ADGRG5: variants seen among roughly 807,000 people sequenced by gnomAD.
ADGRG5 encodes the protein G protein-coupled receptor 114.
In ADGRG5, 37 loss-of-function variants were observed where a neutral mutation model predicts 53.2. The observed-to-expected ratio is 0.70, with a 90% CI of 0.53 to 0.91. The LOEUF (loss-of-function observed/expected upper bound fraction) is 0.91, where lower values mean the gene tolerates loss of function less well. Among genes scored for constraint, ADGRG5 ranks in the 40% least tolerant of loss-of-function variants. The pLI is 0.00. For synonymous variants in ADGRG5, 277 were observed against 290.4 expected (o/e 0.95, Z 0.47); for missense variants, 614 against 675.8 (o/e 0.91, Z 1.01).
chr16:57,540,733 A>G (rs965609906), upstream of ADGRG5, among the ~76,000 whole-genome samples: 10 of 152,150 alleles, frequency 6.6e-5, no homozygotes, highest in African/African-American at 1.4e-4. Context: ...CTGGGTGGCA[A>G]TGGAAGTTGG....
chr16:57,569,901 C>A (rs1312220911), intron 9 of ADGRG5, among the ~76,000 whole-genome samples: 1 of 151,970 alleles, frequency 6.6e-6, no homozygotes, highest in African/African-American at 2.4e-5. Flanking sequence ...TCTCCTCCAC[C>A]TGCACTATCA....
At chr16:57,533,362 C>G in the ADGRG5 span, among the ~76,000 whole-genome samples, 2 of 151,988 alleles carry the variant, frequency 1.3e-5, no homozygotes, top group Non-Finnish European at 2.9e-5. Flanking sequence ...TCCTGCACTC[C>G]CACATAGACC....
intron 1 of ADGRG5, among the ~76,000 whole-genome samples, chr16:57,559,711 T>A (rs1373647148): frequency 4.6e-5 from 7 of 152,078 alleles, no homozygotes; most frequent in East Asian, 3.9e-4. Flanking sequence ...ACCAGTTTGC[T>A]TGGTGGCCTG....
At position 57,566,471 on chromosome 16, in the gene ADGRG5, A is replaced by C. The variant is rs1187273427; in HGVS notation, c.547-128A>C. 2.8e-5 allele frequency: 23 copies of C among 824,220 alleles called. No individual in the cohort carries two copies. In the Admixed American group the frequency reaches 7.0e-4, roughly 25 times the overall value. The allele number at this position is 824,220 out of a possible 1,614,324, so 51.1% of individuals were successfully genotyped here. ...GGAATCTGAGACTGTCTGAAGCCAA[A>C]GGCCAGCCAGTGCCTGGTAAAATGT... On this transcript the variant is annotated intron_variant, in intron 6 of 11. Coordinates refer to ENST00000349457, the MANE Select transcript of ADGRG5 (RefSeq NM_001304376.3).
chr16:57,536,179 G>T, the ADGRG5 span, among the ~76,000 whole-genome samples: 1 of 152,192 alleles, frequency 6.6e-6, no homozygotes, highest in East Asian at 1.9e-4. Flanking sequence ...GGGTCCCCCG[G>T]GAGAGTCCCA....
chr16:57,547,958 G>A (rs2032658298), intron 1 of ADGRG5, among the ~76,000 whole-genome samples: 1 of 152,044 alleles, frequency 6.6e-6, no homozygotes, highest in Non-Finnish European at 1.5e-5. Context: ...ATGTTGCCCA[G>A]GCTGGTCTTG....
At chr16:57,546,566 T>G (rs4783997) in intron 1 of ADGRG5, among the ~76,000 whole-genome samples, 57,234 of 152,108 alleles carry the variant, frequency 0.38, 11,201 homozygotes, top group African/African-American at 0.48. Flanking sequence ...TCACTTGTCT[T>G]TTAACATTAC....
intron 1 of ADGRG5, among the ~76,000 whole-genome samples, chr16:57,557,901 A>G (rs1168351189): frequency 2.0e-5 from 3 of 152,174 alleles, no homozygotes; most frequent in Non-Finnish European, 4.4e-5. Flanking sequence ...ACCCTTTAAC[A>G]TATTTATCAG....
intron 1 of ADGRG5, among the ~76,000 whole-genome samples, chr16:57,556,898 T>TCGC (rs1353416074): frequency 7.3e-6 from 1 of 137,728 alleles, no homozygotes; most frequent in East Asian, 2.3e-4. Flanking sequence ...AGTTCTTATT[T>TCGC]TGCCTTCTTC....
chr16:57,536,036 G>A, the ADGRG5 span, among the ~76,000 whole-genome samples: 1 of 152,124 alleles, frequency 6.6e-6, no homozygotes, highest in South Asian at 2.1e-4. Flanking sequence ...GGGGGTTCCC[G>A]GCCCGCGCCG....
intron 11 of ADGRG5, 138 bp downstream of exon 11, chr16:57,575,230 G>A (rs2033483314): frequency 6.7e-6 from 7 of 1,038,552 alleles, no homozygotes; most frequent in Non-Finnish European, 8.3e-6. Context: ...TAGCTAAGCT[G>A]GTGGGGGCTA....
chr16:57,542,328 C>T (rs1325159247), upstream of ADGRG5: 2 of 152,242 alleles, frequency 1.3e-5, no homozygotes, highest in Non-Finnish European at 2.9e-5. Flanking sequence ...ATGTCTTGCC[C>T]AAAGGTGCAG....
intron 9 of ADGRG5, among the ~76,000 whole-genome samples, chr16:57,569,658 C>T (rs552973287): frequency 2.4e-4 from 37 of 151,678 alleles, no homozygotes; most frequent in African/African-American, 8.7e-4. Flanking sequence ...CCATCATCAC[C>T]TCCTCCATCT....
At chr16:57,564,929 G>A (rs1176274096) in intron 5 of ADGRG5, 105 bp from the exon 6 acceptor site, 10 of 703,310 alleles carry the variant, frequency 1.4e-5, no homozygotes, top group East Asian at 7.6e-5. Context: ...CGCTGCACAC[G>A]TGAAAGTCTT....
At chr16:57,541,983 C>T (rs999667779), upstream of ADGRG5, among the ~76,000 whole-genome samples, 14 of 152,218 alleles carry the variant, frequency 9.2e-5, no homozygotes, top group Non-Finnish European at 2.1e-4. Context: ...CAGGTCCTCT[C>T]TGGGCTTCAG....
chr16:57,543,600 A>G (rs1303856942), intron 1 of ADGRG5, among the ~76,000 whole-genome samples: 1 of 152,086 alleles, frequency 6.6e-6, no homozygotes, highest in Non-Finnish European at 1.5e-5. Flanking sequence ...GCTTTTTTGC[A>G]GAGACCACAG....
At chr16:57,550,408 A>T (rs1435667507) in intron 1 of ADGRG5, among the ~76,000 whole-genome samples, 1 of 152,144 alleles carries the variant, frequency 6.6e-6, no homozygotes, top group Admixed American at 6.6e-5. Context: ...AAAACATCAG[A>T]TATGTGTTTG....
At chr16:57,530,975 AG>A in the ADGRG5 span, among the ~76,000 whole-genome samples, 1 of 151,250 alleles carries the variant, frequency 6.6e-6, no homozygotes, top group African/African-American at 2.4e-5. Context: ...CTTCCTCTCC[AG>A]GTTTCCCCTC....
chr16:57,554,054 A>C (rs753698438), intron 1 of ADGRG5, among the ~76,000 whole-genome samples: 52 of 152,300 alleles, frequency 3.4e-4, no homozygotes, highest in African/African-American at 1.3e-3. Flanking sequence ...TCAATGAAGG[A>C]CTATTCCTAT....
Sources: gnomAD v4.1 joint callset for allele counts (sites outside exome capture counted in the v4.1 genomes callset) on GRCh38, gnomAD v4.1.1 for gene constraint, MANE v1.5 for transcripts, NCBI Gene and HGNC (gene_info 2026-07-23, HGNC 2026-07-21) for gene names.